Variants in CEP135 observed in about 807,000 individuals in gnomAD.
The protein encoded by CEP135 is centrosomal protein of 135 kDa.
A neutral mutation model predicts 157.3 loss-of-function variants in CEP135; 142 were observed. The ratio of observed to expected loss-of-function variants is 0.90; its 90% confidence interval spans 0.79 to 1.04. The LOEUF is 1.04. Among genes scored for constraint, CEP135 ranks in the 50% least tolerant of loss-of-function variants. The probability of loss-of-function intolerance (pLI) is 0.00; values close to 1 mark genes in which losing one functional copy is unlikely to be tolerated. For synonymous variants in CEP135, 396 were observed against 439.8 expected (o/e 0.90, Z 1.25); for missense variants, 1,317 against 1,309.2 (o/e 1.01, Z -0.09).
chr4:55,976,674 A>T (rs1729234461), intron 11 of CEP135, among the ~76,000 whole-genome samples: 1 of 152,206 alleles, frequency 6.6e-6, no homozygotes, highest in Non-Finnish European at 1.5e-5. Flanking sequence ...TGTTCAGAGC[A>T]TTTTAGAGGC....
Position 56,011,426 on chromosome 4 carries a change from A to G in CEP135, c.2520A>G (p.Glu840=). The change falls in exon 20 of 26, where the codon GAA becomes GAG. Residue 840 remains glutamate (E), a synonymous_variant. Coordinates refer to ENST00000257287, the MANE Select transcript of CEP135 (RefSeq NM_025009.5). ...MARENQEISL[E]LEAAVQEKEE... is the part of the protein sequence containing the mutation. The stretch of plus-strand genomic sequence containing the variant: ...CTGATTTGTAGGAAATCTCATTGGA[A>G]TTGGAAGCAGCAGTGCAAGAAAAAG... 6.2e-7 allele frequency: 1 copy of G among 1,608,254 alleles called. No individual in the cohort carries two copies. The highest frequency in any genetic ancestry group is 8.5e-7 in the Non-Finnish European group (1 of 1,177,870).
intron 17 of CEP135, among the ~76,000 whole-genome samples, chr4:56,004,732 GTTTTTTGCTTGCATGGAATATC>G (rs890765363): frequency 2.0e-5 from 3 of 151,978 alleles, no homozygotes; most frequent in African/African-American, 7.2e-5. Context: ...TACTCCTTCT[GTTTTTTGCTTGCATGGAATATC>G]TTTTTCCATC....
rs114881894 is a variant in CEP135, at chr4:55,993,811, G to A, written c.2009+1726G>A. Among the ~76,000 whole-genome samples the A allele has an allele frequency of 6.7e-3, 1,023 of 152,256 alleles. 11 individuals carry two copies. Among genetic ancestry groups the A allele is most frequent in the African/African-American group, 0.023 (968 of 41,558 alleles). Reference sequence around the variant, plus strand: ...TAACCTAGCCTATAGCTCCTTTGGAGTTTTATTTCTTGTACTACTACTAAT... The same window carrying A: ...TAACCTAGCCTATAGCTCCTTTGGAATTTTATTTCTTGTACTACTACTAAT... On this transcript the variant is annotated intron_variant, in intron 15 of 25. Coordinates refer to ENST00000257287, the MANE Select transcript of CEP135 (RefSeq NM_025009.5).
chr4:56,009,625 T>C, intron 18 of CEP135, 110 bp from the exon 19 acceptor site: 4 of 922,184 alleles, frequency 4.3e-6, no homozygotes, highest in East Asian at 2.8e-5. Context: ...TAATTTCTTA[T>C]AATCACAGTA....
At chr4:55,956,921 G>GCTTTTAAACTTGCCAAAGT (rs1204635108) in intron 4 of CEP135, among the ~76,000 whole-genome samples, 1 of 152,050 alleles carries the variant, frequency 6.6e-6, no homozygotes, top group Non-Finnish European at 1.5e-5. Context: ...GCCGCATTCA[G>GCTTTTAAACTTGCCAAAGT]CTTTTAAACT....
chr4:56,003,300 G>A (rs1242889605), intron 17 of CEP135, among the ~76,000 whole-genome samples: 2 of 152,048 alleles, frequency 1.3e-5, no homozygotes, highest in Non-Finnish European at 2.9e-5. Context: ...CCGCCTCCCG[G>A]GTTCACGCCA....
rs1394737668 is a variant in CEP135, at chr4:55,980,177, G to A, written c.1508G>A (p.Arg503Lys). The A allele has an allele frequency of 1.2e-6, 2 of 1,610,866 alleles. No individual in the cohort carries two copies. Among genetic ancestry groups the A allele is most frequent in the African/African-American group, 2.7e-5 (2 of 74,746 alleles). The change falls in exon 12 of 26, where the codon AGA (arginine) becomes AAA (lysine). Residue 503 changes from arginine to lysine, a missense_variant. Physicochemically the swap from Arg to Lys is conservative, Grantham distance 26 (BLOSUM62 2). Transcript: ENST00000257287. Reference protein sequence around the residue: ...DYNSEIHQITRERDELQRMLE... With the variant: ...DYNSEIHQITKERDELQRMLE... ...AATTCAGAAATTCATCAGATCACAA[G>A]AGAAAGAGATGAACTTCAGCGTATG...
rs190127950 is a variant in CEP135 at position 56,020,846 on chromosome 4, T to C, written c.3320+66T>C. 8.1e-4 allele frequency: 920 copies of C among 1,137,780 alleles called. 12 individuals carry two copies. The African/African-American group carries it at 0.013, about 16-fold the overall frequency. The allele number at this position is 1,137,780 out of a possible 1,614,324, so 70.5% of individuals were successfully genotyped here. On this transcript the variant is annotated intron_variant, in intron 24 of 25. Coordinates refer to ENST00000257287, the MANE Select transcript of CEP135 (RefSeq NM_025009.5). Reference sequence around the variant, plus strand: ...GTTCTCTATTGTACTTCAGAAAGTATTTAATATGGCTTTACAAATAACAAA... The same window carrying C: ...GTTCTCTATTGTACTTCAGAAAGTACTTAATATGGCTTTACAAATAACAAA...
At chr4:55,949,987 TG>T (rs1334538736) in intron 1 of CEP135, among the ~76,000 whole-genome samples, 1 of 152,200 alleles carries the variant, frequency 6.6e-6, no homozygotes, top group East Asian at 1.9e-4. Context: ...TTTTGAGTGG[TG>T]CACCGCCTGT....
rs150631174 is a variant in CEP135, at chr4:55,954,245, C to T, written c.334C>T (p.Arg112Cys). 3.4e-5 allele frequency: 54 copies of T among 1,599,092 alleles called. No individual in the cohort carries two copies. Among genetic ancestry groups the T allele is most frequent in the East Asian group, 1.1e-4 (5 of 44,102 alleles). The change falls in exon 4 of 26, where the codon CGT becomes TGT. Residue 112 changes from arginine to cysteine, a missense_variant. Arg to Cys is a radical substitution (Grantham distance 180). Coordinates refer to ENST00000257287, the MANE Select transcript of CEP135 (RefSeq NM_025009.5). ...GAAAACTTCATTGAAGAAATGTGCA[C>T]GTGAAACAGCTGATCTGAAATTTCT... is the stretch of plus-strand genomic sequence containing the variant. ...ELKTSLKKCA[R>C]ETADLKFLNN...
At chr4:55,963,773 G>A (rs773137871) in intron 6 of CEP135, among the ~76,000 whole-genome samples, 9 of 152,164 alleles carry the variant, frequency 5.9e-5, no homozygotes, top group Admixed American at 2.6e-4. Context: ...GCCAAAGCTT[G>A]AAAGTGTGAG....
rs1729543652 is a variant in CEP135 at position 55,985,348 on chromosome 4, T to A, written c.1847T>A (p.Val616Asp). The change falls in exon 14 of 26, where the codon GTT becomes GAT. Residue 616 changes from valine to aspartate, a missense_variant. Physicochemically the swap from Val to Asp is radical, Grantham distance 152 (BLOSUM62 -3). Coordinates refer to ENST00000257287, the MANE Select transcript of CEP135 (RefSeq NM_025009.5). ...AAAACTATTGAACATTTGACATGTG[T>A]TAATCATCAGGTAATGTATCAAACT... is the stretch of plus-strand genomic sequence containing the variant. ...LEKTIEHLTC[V>D]NHQLESEKYE... The A allele has an allele frequency of 6.3e-7, 1 of 1,582,482 alleles. No homozygotes were observed. The highest frequency in any genetic ancestry group is 1.3e-5 in the African/African-American group (1 of 74,394).
intron 21 of CEP135, among the ~76,000 whole-genome samples, chr4:56,012,501 A>G (rs1730622688): frequency 6.6e-6 from 1 of 152,174 alleles, no homozygotes; most frequent in Admixed American, 6.5e-5. Flanking sequence ...CATTTTAACT[A>G]TTTTTAAGTA....
Position 56,024,618 on chromosome 4 carries a change from T to C in CEP135, c.*11+4T>C. 1 of 1,555,636 alleles carries C rather than the reference T, an allele frequency of 6.4e-7. No homozygotes were observed. The highest frequency in any genetic ancestry group is 8.9e-7 in the Non-Finnish European group (1 of 1,127,162). ...GAAATGTGTAATTATCAGAAAGGTA[T>C]GTATGTAACACCAAGGACAGGCAAA... On this transcript the variant is annotated splice_donor_region_variant and intron_variant, in intron 25 of 25. Coordinates refer to ENST00000257287, the MANE Select transcript of CEP135 (RefSeq NM_025009.5).
At chr4:55,996,418 G>A (rs1277868240) in intron 15 of CEP135, among the ~76,000 whole-genome samples, 1 of 152,154 alleles carries the variant, frequency 6.6e-6, no homozygotes, top group East Asian at 1.9e-4. Context: ...CTTAAGAACT[G>A]TCTTCTGGGC....
At chr4:55,990,064 CT>C (rs1729734082) in intron 14 of CEP135, among the ~76,000 whole-genome samples, 1 of 152,090 alleles carries the variant, frequency 6.6e-6, no homozygotes, top group Non-Finnish European at 1.5e-5. Context: ...GATCCATCTT[CT>C]TTTTTCTTGT....
At chr4:56,028,840 T>A (rs1206138685) in intron 25 of CEP135, among the ~76,000 whole-genome samples, 1 of 152,144 alleles carries the variant, frequency 6.6e-6, no homozygotes, top group East Asian at 1.9e-4. Flanking sequence ...GATCTCAATT[T>A]TAACATTTAA....
intron 24 of CEP135, among the ~76,000 whole-genome samples, chr4:56,023,043 G>A (rs956651969): frequency 2.0e-5 from 3 of 151,890 alleles, no homozygotes; most frequent in African/African-American, 7.3e-5. Context: ...ACCAGCCTGG[G>A]CAACATAGTA....
rs746592710 is a variant in CEP135 at position 55,964,325 on chromosome 4, G to T, written c.751G>T (p.Gly251Cys). 6.2e-7 allele frequency: 1 copy of T among 1,613,392 alleles called. No homozygotes were observed. Among genetic ancestry groups the T allele is most frequent in the Admixed American group, 1.7e-5 (1 of 59,932 alleles). Residue 251 changes from glycine to cysteine, a missense_variant, in exon 7 of 26, where the codon GGT becomes TGT. Coordinates refer to ENST00000257287, the MANE Select transcript of CEP135 (RefSeq NM_025009.5). ...ACGACTGTCAGTTGCTTTGGATGGT[G>T]GTCGGTCCCCTGATGTCCTTTCTCT... is the stretch of plus-strand genomic sequence containing the variant. ...IERLSVALDGGRSPDVLSLES... is the reference protein window; with the variant it reads ...IERLSVALDGCRSPDVLSLES...
Sources: gnomAD v4.1 joint callset for allele counts (sites outside exome capture counted in the v4.1 genomes callset) on GRCh38, gnomAD v4.1.1 for gene constraint, MANE v1.5 for transcripts, NCBI Gene and HGNC (gene_info 2026-07-23, HGNC 2026-07-21) for gene names.